MARCHF1: variants seen among roughly 807,000 people sequenced by gnomAD.
MARCHF1 encodes the protein E3 ubiquitin-protein ligase MARCHF1.
MARCHF1 carries 40 observed loss-of-function variants against 54.2 expected under a neutral mutation model. The observed-to-expected ratio is 0.74, with a 90% CI of 0.57 to 0.96. The LOEUF is 0.96. MARCHF1 is among the 40% of genes least tolerant of loss of function. The pLI is 0.00. For missense variants in MARCHF1, 586 were observed against 656.5 expected (o/e 0.89, Z 1.17); for synonymous variants, 236 against 236.3 (o/e 1.00, Z 0.01).
intron 3 of MARCHF1, among the ~76,000 whole-genome samples, chr4:163,869,777 T>G (rs2111213623): frequency 6.6e-6 from 1 of 152,222 alleles, no homozygotes; most frequent in African/African-American, 2.4e-5. Flanking sequence ...TTTATGAATC[T>G]CCTCACAACT....
intron 3 of MARCHF1, among the ~76,000 whole-genome samples, chr4:163,903,687 T>C (rs932034484): frequency 6.6e-6 from 1 of 152,126 alleles, no homozygotes; most frequent in Non-Finnish European, 1.5e-5. Flanking sequence ...CTTGGTTCAC[T>C]GCAACGTCTG....
In MARCHF1 at chr4:163,612,988, GGGGTGCAAT is replaced by G; in HGVS notation, c.284_292del (p.Tyr95_Pro98delinsSer). ...CCTAGCAGGGCTCAGCACCATGACA[GGGGTGCAAT>G]ACTCAAATGACTCTTCTGACATGTC... On this transcript the variant is annotated inframe_deletion, in exon 7 of 10. Coordinates refer to ENST00000514618, the MANE Select transcript of MARCHF1 (RefSeq NM_001394959.1). 6.5e-7 allele frequency: 1 copy of G among 1,527,928 alleles called. No homozygotes were observed. The highest frequency in any genetic ancestry group is 8.7e-7 in the Non-Finnish European group (1 of 1,144,182). The allele number at this position is 1,527,928 out of a possible 1,614,324, so 94.6% of individuals were successfully genotyped here.
At chr4:163,627,136 T>C (rs1050171267) in intron 5 of MARCHF1, among the ~76,000 whole-genome samples, 1 of 152,224 alleles carries the variant, frequency 6.6e-6, no homozygotes, top group Non-Finnish European at 1.5e-5. Flanking sequence ...TTTATAATTA[T>C]ACTATTATCT....
At chr4:164,236,398 A>AT (rs1732561390) in intron 1 of MARCHF1, among the ~76,000 whole-genome samples, 2 of 152,122 alleles carry the variant, frequency 1.3e-5, no homozygotes, top group Admixed American at 1.3e-4. Context: ...CAACACAAAT[A>AT]TTTTTTCTGC....
chr4:164,220,999 A>C (rs1732095906), intron 1 of MARCHF1, among the ~76,000 whole-genome samples: 1 of 151,912 alleles, frequency 6.6e-6, no homozygotes, highest in African/African-American at 2.4e-5. Flanking sequence ...AGTCTGAAAA[A>C]CGTGGAAAAC....
intron 2 of MARCHF1, among the ~76,000 whole-genome samples, chr4:164,017,935 G>A (rs561117256): frequency 5.9e-5 from 9 of 151,736 alleles, no homozygotes; most frequent in Non-Finnish European, 8.9e-5. Flanking sequence ...ACTTTGTGGT[G>A]TAGGTATATG....
intron 4 of MARCHF1, among the ~76,000 whole-genome samples, chr4:163,808,315 C>G (rs1748283905): frequency 6.6e-6 from 1 of 152,230 alleles, no homozygotes. Context: ...AAGTACACAA[C>G]TGGCAGGCCT....
chr4:164,262,627 T>C (rs938821670), intron 1 of MARCHF1, among the ~76,000 whole-genome samples: 2 of 152,150 alleles, frequency 1.3e-5, no homozygotes, highest in African/African-American at 2.4e-5. Context: ...AATGCTCAAG[T>C]GATGGGCTGA....
intron 1 of MARCHF1, among the ~76,000 whole-genome samples, chr4:164,232,017 A>G (rs1560965079): frequency 6.6e-6 from 1 of 152,178 alleles, no homozygotes; most frequent in Non-Finnish European, 1.5e-5. Flanking sequence ...GACCAGTAAG[A>G]AATTTACAAT....
At chr4:164,267,366 A>G (rs1687559322) in intron 1 of MARCHF1, among the ~76,000 whole-genome samples, 1 of 152,200 alleles carries the variant, frequency 6.6e-6, no homozygotes, top group Non-Finnish European at 1.5e-5. Context: ...AGATTAGATT[A>G]TAAGATACTG....
chr4:164,147,036 A>C (rs1729768433), intron 1 of MARCHF1, among the ~76,000 whole-genome samples: 1 of 151,966 alleles, frequency 6.6e-6, no homozygotes, highest in African/African-American at 2.4e-5. Flanking sequence ...CACTTCTCAA[A>C]AGAAGACATT....
At chr4:163,664,136 C>G (rs913715977) in intron 5 of MARCHF1, among the ~76,000 whole-genome samples, 1 of 152,002 alleles carries the variant, frequency 6.6e-6, no homozygotes, top group African/African-American at 2.4e-5. Flanking sequence ...GTTTAAGAAA[C>G]AAACAGGAAG....
intron 1 of MARCHF1, chr4:164,188,390 C>T: frequency 2.0e-6 from 1 of 504,790 alleles, no homozygotes; most frequent in Non-Finnish European, 3.7e-6. Context: ...CAAGATGAAG[C>T]TCTCCCTGGT....
intron 1 of MARCHF1, among the ~76,000 whole-genome samples, chr4:164,319,625 C>T (rs1260501460): frequency 6.6e-6 from 1 of 152,124 alleles, no homozygotes; most frequent in Admixed American, 6.6e-5. Flanking sequence ...ACCCCTAATA[C>T]TGTATCTCAT....
chr4:163,779,236 T>G (rs1432217868), intron 4 of MARCHF1, among the ~76,000 whole-genome samples: 1 of 152,194 alleles, frequency 6.6e-6, no homozygotes, highest in East Asian at 1.9e-4. Flanking sequence ...CTTAGCTAAT[T>G]TGAATGATAT....
intron 4 of MARCHF1, among the ~76,000 whole-genome samples, chr4:163,832,921 C>T (rs1749072579): frequency 1.3e-5 from 2 of 151,942 alleles, no homozygotes; most frequent in South Asian, 4.2e-4. Context: ...GACATGAATT[C>T]ATCATTTTTT....
intron 2 of MARCHF1, among the ~76,000 whole-genome samples, chr4:164,032,481 A>G (rs1003028479): frequency 6.6e-6 from 1 of 152,032 alleles, no homozygotes; most frequent in African/African-American, 2.4e-5. Flanking sequence ...AGTGCTATAA[A>G]TTTTCCACTT....
chr4:163,892,345 A>G (rs1291389188), intron 3 of MARCHF1, among the ~76,000 whole-genome samples: 3 of 152,086 alleles, frequency 2.0e-5, no homozygotes, highest in African/African-American at 7.2e-5. Flanking sequence ...CAGAACATCT[A>G]AGAGTGGAGC....
At chr4:163,681,323 C>A (rs549855350) in intron 5 of MARCHF1, among the ~76,000 whole-genome samples, 1 of 152,090 alleles carries the variant, frequency 6.6e-6, no homozygotes, top group Non-Finnish European at 1.5e-5. Flanking sequence ...TATCTCAAGC[C>A]AAGTAAGGGA....
Sources: allele counts gnomAD v4.1 joint callset (sites outside exome capture counted in the v4.1 genomes callset), GRCh38; gene constraint gnomAD v4.1.1; transcripts MANE v1.5; gene names NCBI Gene and HGNC (gene_info 2026-07-23, HGNC 2026-07-21).